MTARC2: variants seen among roughly 807,000 people sequenced by gnomAD.
The protein encoded by MTARC2 is MOCO sulphurase C-terminal domain containing 2.
A neutral mutation model predicts 35.6 loss-of-function variants in MTARC2; 27 were observed. That is an observed-to-expected ratio of 0.76 (90% CI 0.56 to 1.04). The LOEUF (loss-of-function observed/expected upper bound fraction) is 1.04. Among genes scored for constraint, MTARC2 ranks in the 50% least tolerant of loss-of-function variants. The pLI, the probability that MTARC2 is intolerant of heterozygous loss-of-function variation, is 0.00. For synonymous variants in MTARC2, 158 were observed against 167.1 expected, an observed-to-expected ratio of 0.95 and a Z score of 0.42; for missense variants, 412 against 432.5, an observed-to-expected ratio of 0.95 and a Z score of 0.42.
At position 220,762,901 on chromosome 1, in the gene MTARC2, CT is replaced by C; in HGVS notation, c.610-7del. ...TGGTGGGGCCTGACTATCCTGTGTT[CT>C]TGGCAAGGTGGCCTACCCAGACTAC... On this transcript the variant is annotated splice_polypyrimidine_tract_variant and splice_region_variant and intron_variant, in intron 3 of 7. Transcript: ENST00000366913. The C allele has an allele frequency of 6.2e-7, 1 of 1,614,024 alleles. No homozygotes were observed. Among genetic ancestry groups the C allele is most frequent in the Non-Finnish European group, 8.5e-7 (1 of 1,179,972 alleles).
intron 4 of MTARC2, among the ~76,000 whole-genome samples, chr1:220,777,337 C>T (rs1219870466): frequency 1.3e-5 from 2 of 152,156 alleles, no homozygotes; most frequent in African/African-American, 4.8e-5. Context: ...TGAAGCACCA[C>T]TATAGGCCCG....
At chr1:220,766,440 G>A (rs1671582084) in intron 4 of MTARC2, among the ~76,000 whole-genome samples, 1 of 152,006 alleles carries the variant, frequency 6.6e-6, no homozygotes, top group African/African-American at 2.4e-5. Flanking sequence ...GAAATTCTCT[G>A]TTTCAAGAAG....
chr1:220,782,939 G>A (rs1362486429), intron 7 of MTARC2, among the ~76,000 whole-genome samples: 2 of 152,212 alleles, frequency 1.3e-5, no homozygotes, highest in Admixed American at 6.5e-5. Flanking sequence ...CACAAATAAA[G>A]TGCTCAGTAA....
chr1:220,749,580 G>A (rs912310833), intron 1 of MTARC2, among the ~76,000 whole-genome samples: 14 of 151,934 alleles, frequency 9.2e-5, no homozygotes, highest in African/African-American at 2.2e-4. Flanking sequence ...ACAGGTGTGC[G>A]CCACCACGCC....
intron 3 of MTARC2, 107 bp from the exon 4 acceptor site, chr1:220,762,803 C>A: frequency 8.3e-7 from 1 of 1,208,126 alleles, no homozygotes; most frequent in Non-Finnish European, 1.2e-6. Flanking sequence ...CACTGCTCCC[C>A]TCTTCTGCAC....
intron 1 of MTARC2, among the ~76,000 whole-genome samples, chr1:220,753,824 C>G (rs910129623): frequency 6.6e-6 from 1 of 152,134 alleles, no homozygotes; most frequent in Non-Finnish European, 1.5e-5. Flanking sequence ...GCTGAGGCGG[C>G]AGGTCACTTG....
intron 1 of MTARC2, among the ~76,000 whole-genome samples, chr1:220,754,124 C>T (rs1671211968): frequency 6.6e-6 from 1 of 152,152 alleles, no homozygotes. Context: ...TTTATTTTCC[C>T]TAGGAGTGGA....
intron 4 of MTARC2, among the ~76,000 whole-genome samples, chr1:220,769,590 G>C (rs757350033): frequency 5.9e-5 from 9 of 152,126 alleles, no homozygotes; most frequent in African/African-American, 2.2e-4. Context: ...TTGCGGATGT[G>C]CCTGGAGAGC....
At chr1:220,770,268 C>T (rs1671707285) in intron 4 of MTARC2, 1 of 344,302 alleles carries the variant, frequency 2.9e-6, no homozygotes, top group Non-Finnish European at 4.1e-6. Flanking sequence ...ATCCCTGCCC[C>T]TGAGTGAGCA....
intron 2 of MTARC2, among the ~76,000 whole-genome samples, chr1:220,760,051 T>C (rs1215515587): frequency 6.6e-6 from 1 of 152,080 alleles, no homozygotes; most frequent in Non-Finnish European, 1.5e-5. Context: ...CCATGGTAGA[T>C]GAGGGTAGGG....
Position 220,748,905 on chromosome 1 carries a change from G to A in MTARC2, c.272+102G>A. 2.2e-6 allele frequency: 3 copies of A among 1,338,940 alleles called. No individual in the cohort carries two copies. In the South Asian group the frequency reaches 5.3e-5, roughly 23 times the overall value. 82.9% of individuals were successfully genotyped at this position (1,338,940 alleles called of 1,614,324 possible). ...TATCTGGGAAGGACTATAGAGGTTT[G>A]CCACCTGAGTTTCTGGGCTGACTGT... On this transcript the variant is annotated intron_variant, in intron 1 of 7. Transcript: ENST00000366913.
chr1:220,748,494 G>T lies in MTARC2; in HGVS notation c.-38G>T. 1 of 1,365,818 alleles carries T rather than the reference G, an allele frequency of 7.3e-7. No individual in the cohort carries two copies. Among genetic ancestry groups the T allele is most frequent in the Non-Finnish European group, 9.3e-7 (1 of 1,069,876 alleles). 84.6% of individuals were successfully genotyped at this position (1,365,818 alleles called of 1,614,324 possible). On this transcript the variant is annotated 5_prime_UTR_variant, in exon 1 of 8. Transcript: ENST00000366913. Reference sequence around the variant, plus strand: ...GTCCTCCCGGTCTCCGGTCGCTGCCGGGTCTGTGCGCCGGTCCGCGCCCGC... The same window carrying T: ...GTCCTCCCGGTCTCCGGTCGCTGCCTGGTCTGTGCGCCGGTCCGCGCCCGC...
chr1:220,758,361 T>A, intron 2 of MTARC2, among the ~76,000 whole-genome samples: 1 of 152,158 alleles, frequency 6.6e-6, no homozygotes, highest in Non-Finnish European at 1.5e-5. Context: ...TAAGTTTTTT[T>A]ATACTAATTA....
chr1:220,754,899 G>A (rs764552002), intron 1 of MTARC2, 48 bp from the exon 2 acceptor site: 34 of 1,509,104 alleles, frequency 2.3e-5, no homozygotes, highest in Non-Finnish European at 2.9e-5. Context: ...AAGCTGTTGG[G>A]AGGTGGAAGA....
At chr1:220,775,992 G>A (rs149167963) in intron 4 of MTARC2, among the ~76,000 whole-genome samples, 62 of 152,258 alleles carry the variant, frequency 4.1e-4, no homozygotes, top group African/African-American at 1.4e-3. Context: ...GAATATACGC[G>A]TGCATGTGTC....
At chr1:220,768,544 T>C (rs1671646838) in intron 4 of MTARC2, among the ~76,000 whole-genome samples, 1 of 152,134 alleles carries the variant, frequency 6.6e-6, no homozygotes, top group African/African-American at 2.4e-5. Context: ...AGTCCCTGAA[T>C]ATCAGCCAAC....
intron 2 of MTARC2, 83 bp downstream of exon 2, chr1:220,755,203 T>C (rs747702307): frequency 1.2e-5 from 17 of 1,406,274 alleles, no homozygotes; most frequent in Non-Finnish European, 1.6e-5. Flanking sequence ...CTTGCTATAG[T>C]TTCTACAGTA....
chr1:220,754,243 C>G (rs1671215405), intron 1 of MTARC2: 2 of 447,204 alleles, frequency 4.5e-6, no homozygotes, highest in South Asian at 1.6e-5. Flanking sequence ...CTTCCCCTCA[C>G]TCTTCAGCTC....
At chr1:220,772,289 T>C (rs1371256582) in intron 4 of MTARC2, among the ~76,000 whole-genome samples, 1 of 152,246 alleles carries the variant, frequency 6.6e-6, no homozygotes, top group Non-Finnish European at 1.5e-5. Flanking sequence ...CTGTATATAT[T>C]GCCAAATTGC....
Sources: allele counts gnomAD v4.1 joint callset (sites outside exome capture counted in the v4.1 genomes callset), GRCh38; gene constraint gnomAD v4.1.1; transcripts MANE v1.5; gene names NCBI Gene and HGNC (gene_info 2026-07-23, HGNC 2026-07-21).